The following EVI5 variants were observed in gnomAD, a reference collection of about 807,000 sequenced individuals.
The protein encoded by EVI5 is ecotropic viral integration site 5 protein homolog.
A neutral mutation model predicts 112.0 loss-of-function variants in EVI5; 73 were observed. That is an observed-to-expected ratio of 0.65 (90% confidence interval 0.54 to 0.79). The LOEUF (loss-of-function observed/expected upper bound fraction) is 0.79, where lower values mean the gene tolerates loss of function less well. EVI5 is among the 30% of genes least tolerant of loss of function. The pLI, the probability that EVI5 is intolerant of heterozygous loss-of-function variation, is 0.00. For missense variants in EVI5, 900 were observed against 968.8 expected, an observed-to-expected ratio of 0.93 and a Z score of 0.94; for synonymous variants, 305 against 319.9, an observed-to-expected ratio of 0.95 and a Z score of 0.50.
intron 9 of EVI5, among the ~76,000 whole-genome samples, chr1:92,684,699 T>A (rs1379962056): frequency 3.3e-5 from 5 of 151,458 alleles, no homozygotes; most frequent in Non-Finnish European, 7.4e-5. Context: ...AGTAAAGGGA[T>A]GGAGGAAGAT....
At chr1:92,706,584 A>T (rs1258618895) in intron 2 of EVI5, among the ~76,000 whole-genome samples, 1 of 152,228 alleles carries the variant, frequency 6.6e-6, no homozygotes, top group Non-Finnish European at 1.5e-5. Context: ...AGAAGCACCT[A>T]AACAGAAGGC....
chr1:92,514,823 A>G (rs1365204013), intron 19 of EVI5, among the ~76,000 whole-genome samples: 3 of 152,198 alleles, frequency 2.0e-5, no homozygotes, highest in Admixed American at 6.5e-5. Flanking sequence ...CACACACACT[A>G]TCTTGAGAGA....
chr1:92,676,498 C>T (rs1488669244), intron 10 of EVI5, among the ~76,000 whole-genome samples: 6 of 152,100 alleles, frequency 3.9e-5, no homozygotes, highest in African/African-American at 1.4e-4. Context: ...CACTTATCAA[C>T]GCCATCCTAC....
chr1:92,668,055 G>A (rs1308208080), intron 10 of EVI5, among the ~76,000 whole-genome samples: 1 of 151,994 alleles, frequency 6.6e-6, no homozygotes, highest in African/African-American at 2.4e-5. Flanking sequence ...CTATTATTTT[G>A]CCAGTAAAGA....
intron 2 of EVI5, among the ~76,000 whole-genome samples, chr1:92,719,325 G>A (rs1043869784): frequency 3.3e-5 from 5 of 151,990 alleles, no homozygotes. Context: ...GAATCCAGCA[G>A]CACATCAAAA....
At chr1:92,775,117 TGG>T (rs1683940212) in intron 1 of EVI5, among the ~76,000 whole-genome samples, 1 of 152,196 alleles carries the variant, frequency 6.6e-6, no homozygotes, top group South Asian at 2.1e-4. Flanking sequence ...TTTCAGTCAA[TGG>T]ATACCACATA....
In EVI5 at chr1:92,563,721, A is replaced by G; in HGVS notation, c.2087T>C (p.Leu696Pro). ...ATCAGACTTGTTAAGCTGTCCTTGA[A>G]GCTTTCCTTCTTCTTTCTGTTTTGT... Reference protein sequence around the residue: ...ELEIQKEEGKLQGQLNKSDSN... With the variant: ...ELEIQKEEGKPQGQLNKSDSN... Residue 696 changes from leucine (L) to proline (P), a missense_variant, in exon 19 of 20, where the codon CTT becomes CCT. Transcript: ENST00000684568. 6.2e-7 allele frequency: 1 copy of G among 1,605,728 alleles called. No individual in the cohort carries two copies. Among genetic ancestry groups the G allele is most frequent in the South Asian group, 1.1e-5 (1 of 89,902 alleles).
At chr1:92,775,383 C>T (rs373460663) in intron 1 of EVI5, among the ~76,000 whole-genome samples, 2 of 150,964 alleles carry the variant, frequency 1.3e-5, no homozygotes, top group Non-Finnish European at 1.5e-5. Flanking sequence ...GCTGAGATAG[C>T]GCCACTGCAC....
intron 19 of EVI5, among the ~76,000 whole-genome samples, chr1:92,515,378 C>T (rs1659697930): frequency 6.6e-6 from 1 of 152,214 alleles, no homozygotes; most frequent in Non-Finnish European, 1.5e-5. Flanking sequence ...TCCTCAAACT[C>T]CCAAATCCAC....
Position 92,665,867 on chromosome 1 carries a change from G to A in EVI5, c.1212+72C>T, listed in dbSNP as rs939738587. On this transcript the variant is annotated intron_variant, in intron 11 of 19. Coordinates refer to ENST00000684568, the MANE Select transcript of EVI5 (RefSeq NM_001350197.2). ...AGGAGACATGTGCCAGAATTTTTGA[G>A]GATTTTTAATAAATATACAGAAAAA... 3.7e-6 allele frequency: 4 copies of A among 1,094,194 alleles called. No individual in the cohort carries two copies. In the Admixed American group the frequency reaches 9.1e-5, roughly 25 times the overall value. The allele number at this position is 1,094,194 out of a possible 1,614,324, so 67.8% of individuals were successfully genotyped here. A position where few individuals can be genotyped will look rare whatever the true frequency, so the allele number is the denominator to read the frequency against.
At position 92,703,433 on chromosome 1, in the gene EVI5, CT is replaced by C; in HGVS notation, c.525del (p.Asp176IlefsTer11). 1 of 1,585,086 alleles carries C rather than the reference CT, an allele frequency of 6.3e-7. No homozygotes were observed. Among genetic ancestry groups the C allele is most frequent in the Non-Finnish European group, 8.5e-7 (1 of 1,171,778 alleles). The stretch of plus-strand genomic sequence containing the variant: ...AATAAAACCTCCTGTCCAAGGCTAT[CT>C]TTTTCCTTAAAAAAGTTGTGTTCAG... ...TYPEHNFFKE[K>X]DSLGQEVLFN... On this transcript the variant is annotated frameshift_variant, in exon 4 of 20. Coordinates refer to ENST00000684568, the MANE Select transcript of EVI5 (RefSeq NM_001350197.2). LOFTEE classifies it high-confidence loss of function.
intron 19 of EVI5, among the ~76,000 whole-genome samples, chr1:92,561,331 A>C (rs921072891): frequency 4.6e-5 from 7 of 152,116 alleles, no homozygotes; most frequent in Non-Finnish European, 5.9e-5. Context: ...AAAATGCTTT[A>C]AAGGTTTTTT....
chr1:92,557,873 C>T (rs1173908172), intron 19 of EVI5, among the ~76,000 whole-genome samples: 1 of 150,762 alleles, frequency 6.6e-6, no homozygotes, highest in Non-Finnish European at 1.5e-5. Context: ...TACAGGCGCG[C>T]ACCACCACGC....
chr1:92,702,880 T>C (rs1242275512), intron 4 of EVI5, among the ~76,000 whole-genome samples: 2 of 151,864 alleles, frequency 1.3e-5, no homozygotes, highest in Admixed American at 1.3e-4. Flanking sequence ...AGGCAAAGGA[T>C]TGGCGAAATT....
chr1:92,790,793 C>T (rs1158771143), intron 1 of EVI5, among the ~76,000 whole-genome samples: 2 of 150,250 alleles, frequency 1.3e-5, no homozygotes, highest in Non-Finnish European at 3.0e-5. Context: ...CACTGCACTG[C>T]ACCCTGGGCA....
rs184341122 is a variant in EVI5, at chr1:92,581,906, T to G, written c.2071-18169A>C. 1.8e-3 allele frequency among the ~76,000 whole-genome samples: 278 copies of G among 152,326 alleles called. 1 individual carries two copies. Among genetic ancestry groups the G allele is most frequent in the African/African-American group, 6.4e-3 (266 of 41,556 alleles). Reference sequence around the variant, plus strand: ...CTAAAATTCATTCAGCAACTATTTGTTGAGCACCTGTGATATGCCAGGCAC... The same window carrying G: ...CTAAAATTCATTCAGCAACTATTTGGTGAGCACCTGTGATATGCCAGGCAC... On this transcript the variant is annotated intron_variant, in intron 18 of 19. Coordinates refer to ENST00000684568, the MANE Select transcript of EVI5 (RefSeq NM_001350197.2).
intron 13 of EVI5, among the ~76,000 whole-genome samples, chr1:92,650,878 T>TTAC (rs1661967243): frequency 6.6e-6 from 1 of 152,198 alleles, no homozygotes; most frequent in Non-Finnish European, 1.5e-5. Context: ...CTACTAAGTG[T>TTAC]ATGCTCTATC....
At position 92,756,391 on chromosome 1, in the gene EVI5, C is replaced by T. The variant is rs553705831; in HGVS notation, c.-81-19764G>A. On this transcript the variant is annotated intron_variant, in intron 1 of 19. Coordinates refer to ENST00000684568, the MANE Select transcript of EVI5 (RefSeq NM_001350197.2). ...TGGAAGTACTGTTGCAAAATTACCC[C>T]TTTCTAAATTATGCACTTTCTTCTG... The T allele has an allele frequency of 1.9e-3, 1,030 of 533,174 alleles. 18 individuals are homozygous for T. The highest frequency in any genetic ancestry group is 0.011 in the South Asian group (815 of 71,986). 33.0% of individuals were successfully genotyped at this position (533,174 alleles called of 1,614,324 possible).
At chr1:92,711,436 G>A (rs1482117787) in intron 2 of EVI5, among the ~76,000 whole-genome samples, 1 of 152,182 alleles carries the variant, frequency 6.6e-6, no homozygotes, top group Non-Finnish European at 1.5e-5. Context: ...AAACTGCTAA[G>A]ATAATTTATA....
Sources: gnomAD v4.1 joint callset for allele counts (sites outside exome capture counted in the v4.1 genomes callset) on GRCh38, gnomAD v4.1.1 for gene constraint, MANE v1.5 for transcripts, NCBI Gene and HGNC (gene_info 2026-07-23, HGNC 2026-07-21) for gene names.